Variants in VEGFC observed in about 807,000 individuals in gnomAD.
The protein encoded by VEGFC is FLT4 ligand DHM.
Under a neutral mutation model 46.1 loss-of-function variants are expected in VEGFC, and 12 were observed. The observed-to-expected ratio is 0.26, with a 90% CI of 0.17 to 0.42. The LOEUF (loss-of-function observed/expected upper bound fraction) is 0.42, where lower values mean the gene tolerates loss of function less well. Ranked by LOEUF, VEGFC falls within the 10% of genes least tolerant of loss-of-function variation. The pLI, the probability that VEGFC is intolerant of heterozygous loss-of-function variation, is 1.00. For missense variants in VEGFC, 488 were observed against 529.4 expected (o/e 0.92, Z 0.77); for synonymous variants, 232 against 195.5 (o/e 1.19, Z -1.56).
intron 1 of VEGFC, among the ~76,000 whole-genome samples, chr4:176,774,128 T>C (rs1035449053): frequency 2.3e-4 from 16 of 68,178 alleles, no homozygotes; most frequent in African/African-American, 4.8e-4. Context: ...TCCCTGTGCA[T>C]TGCTAGGAAA....
intron 1 of VEGFC, among the ~76,000 whole-genome samples, chr4:176,743,435 CTT>C (rs925245694): frequency 3.3e-5 from 5 of 151,764 alleles, no homozygotes; most frequent in African/African-American, 1.2e-4. Context: ...GATTAAAACT[CTT>C]GTCATGACAA....
intron 1 of VEGFC, among the ~76,000 whole-genome samples, chr4:176,733,131 G>C (rs1457058831): frequency 6.6e-6 from 1 of 151,896 alleles, no homozygotes; most frequent in African/African-American, 2.4e-5. Context: ...TCACAAGGAC[G>C]TGCAGCAACT....
At chr4:176,722,844 C>G (rs1008869478) in intron 3 of VEGFC, among the ~76,000 whole-genome samples, 1 of 152,144 alleles carries the variant, frequency 6.6e-6, no homozygotes, top group African/African-American at 2.4e-5. Context: ...ACACCTCCCT[C>G]TTGATAGAGC....
At position 176,780,432 on chromosome 4, in the gene VEGFC, C is replaced by T. The variant is rs376654888; in HGVS notation, c.147+11733G>A. 5.2e-4 allele frequency among the ~76,000 whole-genome samples: 76 copies of T among 146,288 alleles called. 1 individual carries two copies. The South Asian group carries it at 0.016, about 30-fold the overall frequency. On this transcript the variant is annotated intron_variant, in intron 1 of 6. Coordinates refer to ENST00000618562, the MANE Select transcript of VEGFC (RefSeq NM_005429.5). The stretch of plus-strand genomic sequence containing the variant: ...TAACCCATTCACTAAGCACTAAGCA[C>T]GCATTTAATACCCATGTGTAATACA...
chr4:176,717,543 G>A (rs1343461348), intron 3 of VEGFC, among the ~76,000 whole-genome samples: 2 of 152,066 alleles, frequency 1.3e-5, no homozygotes, highest in Non-Finnish European at 2.9e-5. Context: ...AGAAAAAGGT[G>A]TAGAACTTCC....
intron 1 of VEGFC, among the ~76,000 whole-genome samples, chr4:176,766,653 T>A (rs996973435): frequency 1.3e-5 from 2 of 150,260 alleles, no homozygotes; most frequent in Non-Finnish European, 3.0e-5. Flanking sequence ...GGCAGTGTGA[T>A]ACTAATGCCA....
Position 176,729,696 on chromosome 4 carries a change from T to C in VEGFC, c.198A>G (p.Val66=). 1 of 1,613,044 alleles carries C rather than the reference T, an allele frequency of 6.2e-7. No individual in the cohort carries two copies. The highest frequency in any genetic ancestry group is 2.2e-5 in the East Asian group (1 of 44,824). ...GGTAGAGTACAGTCATGAGTTCATC[T>C]ACACTGGACACAGACCGTAACTGCT... ...LEEQLRSVSS[V]DELMTVLYPE... The change falls in exon 2 of 7, where the codon GTA becomes GTG. Residue 66 remains valine (V), a synonymous_variant. Coordinates refer to ENST00000618562, the MANE Select transcript of VEGFC (RefSeq NM_005429.5).
chr4:176,688,587 T>TTCCCTCCC (rs35240467), intron 4 of VEGFC, among the ~76,000 whole-genome samples: 5 of 147,670 alleles, frequency 3.4e-5, no homozygotes, highest in African/African-American at 4.9e-5. Context: ...ACTTCCTTCC[T>TTCCCTCCC]TCCCTCCCTC....
chr4:176,770,359 C>T (rs1735701021), intron 1 of VEGFC, among the ~76,000 whole-genome samples: 1 of 152,136 alleles, frequency 6.6e-6, no homozygotes, highest in Non-Finnish European at 1.5e-5. Flanking sequence ...ATCTTTTTAA[C>T]CTTGACAACT....
At chr4:176,756,156 T>C (rs890496857) in intron 1 of VEGFC, among the ~76,000 whole-genome samples, 1 of 152,120 alleles carries the variant, frequency 6.6e-6, no homozygotes, top group African/African-American at 2.4e-5. Flanking sequence ...ATCTATTAAG[T>C]GATAATAACA....
intron 1 of VEGFC, among the ~76,000 whole-genome samples, chr4:176,777,387 A>G (rs746642467): frequency 2.0e-5 from 3 of 152,192 alleles, no homozygotes; most frequent in Non-Finnish European, 4.4e-5. Context: ...TTTTTGCTTC[A>G]GTCTAAGTTC....
intron 1 of VEGFC, among the ~76,000 whole-genome samples, chr4:176,753,102 AAC>A (rs1279740100): frequency 6.6e-6 from 1 of 152,052 alleles, no homozygotes; most frequent in Non-Finnish European, 1.5e-5. Flanking sequence ...ATCCTGCTGA[AAC>A]AGTCAGTGAC....
chr4:176,697,283 T>A (rs959926723), intron 4 of VEGFC, among the ~76,000 whole-genome samples: 16 of 146,798 alleles, frequency 1.1e-4, no homozygotes, highest in Non-Finnish European at 2.0e-4. Flanking sequence ...CAAACAAATT[T>A]ACAAGAAAAA....
intron 4 of VEGFC, chr4:176,689,355 C>T (rs1397182324): frequency 6.6e-6 from 1 of 152,144 alleles, no homozygotes; most frequent in African/African-American, 2.4e-5. Context: ...TACAGCATCA[C>T]ATAGAGGAAT....
rs904572619 is a variant in VEGFC at position 176,762,415 on chromosome 4, C to G, written c.147+29750G>C. On this transcript the variant is annotated intron_variant, in intron 1 of 6. Transcript: ENST00000618562. ...CAACATTCCTCCCCTCCAGAGGACG[C>G]AGCCTTCAAAGCGCCACCTTAGAAG... 7.2e-4 allele frequency among the ~76,000 whole-genome samples: 110 copies of G among 152,306 alleles called. 1 individual carries two copies. The highest frequency in any genetic ancestry group is 2.5e-3 in the African/African-American group (103 of 41,570).
chr4:176,760,403 T>C (rs908570394), intron 1 of VEGFC, among the ~76,000 whole-genome samples: 5 of 152,146 alleles, frequency 3.3e-5, no homozygotes, highest in African/African-American at 1.2e-4. Context: ...AAAAAGAATT[T>C]CTCTAGGCAA....
At chr4:176,772,029 C>T (rs1735731896) in intron 1 of VEGFC, among the ~76,000 whole-genome samples, 1 of 152,140 alleles carries the variant, frequency 6.6e-6, no homozygotes, top group Non-Finnish European at 1.5e-5. Context: ...AGCACGTTGG[C>T]TGCAGAAAGC....
chr4:176,738,306 A>G (rs1321724334), intron 1 of VEGFC, among the ~76,000 whole-genome samples: 2 of 152,186 alleles, frequency 1.3e-5, no homozygotes, highest in South Asian at 2.1e-4. Context: ...AAACTATACT[A>G]CAAGTCAACA....
chr4:176,759,743 A>C (rs1735496143), intron 1 of VEGFC, among the ~76,000 whole-genome samples: 1 of 151,820 alleles, frequency 6.6e-6, no homozygotes, highest in African/African-American at 2.4e-5. Context: ...AAAAGTAAAA[A>C]AAAATAAAAT....
Sources: allele counts gnomAD v4.1 joint callset (sites outside exome capture counted in the v4.1 genomes callset), GRCh38; gene constraint gnomAD v4.1.1; transcripts MANE v1.5; gene names NCBI Gene and HGNC (gene_info 2026-07-23, HGNC 2026-07-21).